The following ATAD5 variants were observed in gnomAD, a reference collection of about 807,000 sequenced individuals.
ATAD5 encodes the protein ATPase family AAA domain-containing protein 5.
ATAD5 carries 58 observed loss-of-function variants against 176.9 expected under a neutral mutation model. The ratio of observed to expected loss-of-function variants is 0.33; its 90% CI spans 0.27 to 0.41. ATAD5 has a LOEUF of 0.41. Among genes scored for constraint, ATAD5 ranks in the 10% least tolerant of loss-of-function variants. ATAD5 has a pLI of 1.00. For missense variants in ATAD5, 1,789 were observed against 2,094.1 expected (o/e 0.85, Z 2.84); for synonymous variants, 640 against 712.6 (o/e 0.90, Z 1.62).
rs976089090 is a variant in ATAD5, at chr17:30,895,705, C to G, written c.*792C>G. The G allele has an allele frequency of 6.6e-6, 1 of 152,162 alleles. No individual in the cohort carries two copies. The highest frequency in any genetic ancestry group is 2.1e-4 in the South Asian group (1 of 4,818). The allele number at this position is 152,162 out of a possible 1,614,324, so 9.4% of individuals were successfully genotyped here. ...ACAGGCGTGAGCCACCTCACCTGGC[C>G]TATATTGTACAGTTTTGAACAGTAT... On this transcript the variant is annotated 3_prime_UTR_variant, in exon 23 of 23. Coordinates refer to ENST00000321990, the MANE Select transcript of ATAD5 (RefSeq NM_024857.5).
chr17:30,860,158 G>A (rs942784165), intron 9 of ATAD5, among the ~76,000 whole-genome samples: 7 of 152,010 alleles, frequency 4.6e-5, no homozygotes, highest in Non-Finnish European at 1.0e-4. Flanking sequence ...CAAGTAGCTG[G>A]GACTACAGGT....
chr17:30,843,945 T>C lies in ATAD5; in HGVS notation c.2274T>C (p.Thr758=), dbSNP rs919660373. ...TTATAATAATAGATTCAAGTCCTAC[T>C]GCTTTAAAGCATCCAGAGAAAAATC... ...DSVIIIDSSP[T]ALKHPEKNQK... Residue 758 remains threonine, a synonymous_variant, in exon 5 of 23, where the codon ACT becomes ACC. Transcript: ENST00000321990. 4.1e-6 allele frequency: 6 copies of C among 1,480,572 alleles called. No individual in the cohort carries two copies. In the African/African-American group the frequency reaches 8.5e-5, roughly 21 times the overall value. 91.7% of individuals were successfully genotyped at this position (1,480,572 alleles called of 1,614,324 possible). A position where few individuals can be genotyped will look rare whatever the true frequency, so the allele number is the denominator to read the frequency against.
intron 14 of ATAD5, among the ~76,000 whole-genome samples, chr17:30,874,548 C>CAAAAAAA (rs1298663817): frequency 1.4e-5 from 1 of 70,210 alleles, no homozygotes; most frequent in South Asian, 5.8e-4. Flanking sequence ...TCAAAAGAAA[C>CAAAAAAA]AAAAAAAAAA....
rs114345202 is a variant in ATAD5, at chr17:30,894,566, A to G, written c.5300A>G (p.Asn1767Ser). Residue 1767 changes from asparagine (N) to serine (S), a missense_variant and splice_region_variant, in exon 22 of 23, where the codon AAT becomes AGT. By Grantham distance (46) the Asn-to-Ser change is conservative. Around this residue, in one of 6 missense-constraint regions of ATAD5, gnomAD observed 403 missense variants for 495.1 expected, o/e 0.81. Transcript: ENST00000321990. Reference sequence around the variant, plus strand: ...AAAACAATGCATTACTTTTACAGCAATGCTTGGAAGAGGATATCAGTCATT... The same window carrying G: ...AAAACAATGCATTACTTTTACAGCAGTGCTTGGAAGAGGATATCAGTCATT... ...YFSQSAANLD[N>S]AWKRISVIKS... 1.8e-3 allele frequency: 2,818 copies of G among 1,595,338 alleles called. 10 individuals carry two copies. The highest frequency in any genetic ancestry group is 0.015 in the African/African-American group (1,110 of 73,906).
In ATAD5 at chr17:30,871,370, G is replaced by A. The variant is rs139016177; in HGVS notation, c.3607+1724G>A. ...TGTGTAATTTTTGTTTTTTTGAAAC[G>A]GAGTCTCGCACTTGTCGCCCAGGCT... On this transcript the variant is annotated intron_variant, in intron 14 of 22. Transcript: ENST00000321990. Among the ~76,000 whole-genome samples the A allele has an allele frequency of 2.7e-3, 406 of 151,014 alleles. 2 individuals carry two copies. Among genetic ancestry groups the A allele is most frequent in the African/African-American group, 9.3e-3 (383 of 41,072 alleles).
intron 11 of ATAD5, among the ~76,000 whole-genome samples, chr17:30,867,694 C>T (rs555523736): frequency 6.6e-6 from 1 of 152,308 alleles, no homozygotes; most frequent in Admixed American, 6.5e-5. Context: ...TCACTGCAAC[C>T]TTCGCCTCTC....
intron 17 of ATAD5, 109 bp downstream of exon 17, chr17:30,878,205 T>C (rs1252336957): frequency 2.7e-6 from 2 of 751,606 alleles, no homozygotes; most frequent in South Asian, 3.7e-5. Context: ...TTTTTTAAAA[T>C]TGATACTACT....
At chr17:30,875,789 C>T (rs193257894) in intron 14 of ATAD5, among the ~76,000 whole-genome samples, 3 of 146,210 alleles carry the variant, frequency 2.1e-5, no homozygotes, top group African/African-American at 7.6e-5. Context: ...AAGTGAGACC[C>T]TGACTCAAAA....
intron 18 of ATAD5, among the ~76,000 whole-genome samples, chr17:30,885,798 T>A (rs1188821196): frequency 6.6e-6 from 1 of 151,830 alleles, no homozygotes; most frequent in African/African-American, 2.4e-5. Context: ...CATGCCTGGC[T>A]AATTTTTTGT....
In ATAD5 at chr17:30,840,632, A is replaced by G. The variant is rs755034836; in HGVS notation, c.2092A>G (p.Lys698Glu). 3.2e-6 allele frequency: 5 copies of G among 1,547,786 alleles called. No individual in the cohort carries two copies. The highest frequency in any genetic ancestry group is 2.6e-5 in the South Asian group (2 of 78,100). The part of the protein sequence containing the change: ...SQIRKASNTS[K>E]NISKAKQLIE... ...TTTTGTTTAGGCAAGCAATACTTCAAAAAACATATCAAAAGCAAAACAATT... is the reference window on the plus strand; with the variant it reads ...TTTTGTTTAGGCAAGCAATACTTCAGAAAACATATCAAAAGCAAAACAATT... Residue 698 changes from lysine to glutamate, a missense_variant, in exon 4 of 23, where the codon AAA becomes GAA. Lys to Glu is a moderately conservative substitution (Grantham distance 56). Around this residue, in one of 6 missense-constraint regions of ATAD5, gnomAD observed 487 missense variants for 573.6 expected, o/e 0.85. Transcript: ENST00000321990.
chr17:30,894,042 C>A lies in ATAD5; in HGVS notation c.5189C>A (p.Thr1730Asn), dbSNP rs1405441012. 2 of 1,612,176 alleles carry A rather than the reference C, an allele frequency of 1.2e-6. No homozygotes were observed. The highest frequency in any genetic ancestry group is 1.7e-6 in the Non-Finnish European group (2 of 1,178,716). The change falls in exon 21 of 23, where the codon ACC becomes AAC. Residue 1730 changes from threonine to asparagine, a missense_variant. Coordinates refer to ENST00000321990, the MANE Select transcript of ATAD5 (RefSeq NM_024857.5). ...CSSAISKALETLNSCKKLGRD... is the reference protein window; with the variant it reads ...CSSAISKALENLNSCKKLGRD... Reference sequence around the variant, plus strand: ...TCTGCTATTTCAAAAGCATTGGAAACCTTGAATTCTTGCAAGAAATTAGGA... The same window carrying A: ...TCTGCTATTTCAAAAGCATTGGAAAACTTGAATTCTTGCAAGAAATTAGGA...
intron 6 of ATAD5, among the ~76,000 whole-genome samples, chr17:30,850,823 TTATATATTTTTATA>T (rs1310763019): frequency 6.6e-5 from 4 of 60,472 alleles, no homozygotes; most frequent in East Asian, 4.4e-4. Flanking sequence ...TTATTTATAT[TTATATATTTTTATA>T]TATATATATA....
Position 30,876,391 on chromosome 17 carries a change from A to G in ATAD5, c.3625A>G (p.Lys1209Glu). Reference sequence around the variant, plus strand: ...TTGGGCAGAAAAAATAAGCTCCCCTAAGAAAGTTGTTACATCACCAAGAAA... The same window carrying G: ...TTGGGCAGAAAAAATAAGCTCCCCTGAGAAAGTTGTTACATCACCAAGAAA... ...GKSPKKISSP[K>E]KVVTSPRKVP... is the part of the protein sequence containing the mutation. The change falls in exon 15 of 23, where the codon AAG (lysine) becomes GAG (glutamate). Residue 1209 changes from lysine (K) to glutamate (E), a missense_variant. This residue lies in a region of ATAD5 where 194 missense variants were observed against 270.1 expected (regional missense o/e 0.72). Coordinates refer to ENST00000321990, the MANE Select transcript of ATAD5 (RefSeq NM_024857.5). 6.3e-7 allele frequency: 1 copy of G among 1,586,588 alleles called. No individual in the cohort carries two copies. Among genetic ancestry groups the G allele is most frequent in the East Asian group, 2.3e-5 (1 of 44,394 alleles).
At position 30,835,417 on chromosome 17, in the gene ATAD5, A is replaced by G; in HGVS notation, c.1336A>G (p.Ile446Val). 1 of 1,611,794 alleles carries G rather than the reference A, an allele frequency of 6.2e-7. No homozygotes were observed. The highest frequency in any genetic ancestry group is 8.5e-7 in the Non-Finnish European group (1 of 1,179,446). ...EVGRDDNSKK[I>V]MENSGIQMVS... The stretch of plus-strand genomic sequence containing the variant: ...AGGAAGAGATGATAATTCTAAAAAA[A>G]TCATGGAAAATTCTGGTATCCAAAT... Residue 446 changes from isoleucine to valine, a missense_variant, in exon 2 of 23, where the codon ATC (isoleucine) becomes GTC (valine). Physicochemically the swap from Ile to Val is conservative, Grantham distance 29 (BLOSUM62 3). This residue lies in a region of ATAD5 where 696 missense variants were observed against 712.5 expected (regional missense o/e 0.98). Transcript: ENST00000321990.
rs893584554 is a variant in ATAD5 at position 30,835,474 on chromosome 17, A to T, written c.1393A>T (p.Thr465Ser). 9.3e-6 allele frequency: 15 copies of T among 1,609,458 alleles called. No homozygotes were observed. In the East Asian group the frequency reaches 3.1e-4, roughly 34 times the overall value. Reference sequence around the variant, plus strand: ...AAAAAATGGCAATTTACAGTTACACACTGATAAAGGAAGTTTTCTGAAGGA... The same window carrying T: ...AAAAAATGGCAATTTACAGTTACACTCTGATAAAGGAAGTTTTCTGAAGGA... ...VSKNGNLQLH[T>S]DKGSFLKEKN... Residue 465 changes from threonine to serine, a missense_variant, in exon 2 of 23, where the codon ACT becomes TCT. Physicochemically the swap from Thr to Ser is moderately conservative, Grantham distance 58. Transcript: ENST00000321990.
Position 30,834,457 on chromosome 17 carries a change from A to G in ATAD5, c.376A>G (p.Ile126Val). The G allele has an allele frequency of 6.3e-7, 1 of 1,589,848 alleles. No individual in the cohort carries two copies. Among genetic ancestry groups the G allele is most frequent in the South Asian group, 1.2e-5 (1 of 86,098 alleles). Residue 126 changes from isoleucine to valine, a missense_variant, in exon 2 of 23, where the codon ATT becomes GTT. Ile to Val is a conservative substitution (Grantham distance 29). Transcript: ENST00000321990. ...RVNLSHQLNNIKTENEAPIEI... is the reference protein window; with the variant it reads ...RVNLSHQLNNVKTENEAPIEI... ...TAATTTATCTCATCAACTAAATAAT[A>G]TTAAAACTGAAAATGAAGCTCCAAT... is the stretch of plus-strand genomic sequence containing the variant.
chr17:30,840,053 C>T (rs897683306), intron 3 of ATAD5, among the ~76,000 whole-genome samples: 2 of 151,962 alleles, frequency 1.3e-5, no homozygotes, highest in East Asian at 1.9e-4. Context: ...CGAAAATTAG[C>T]TGGGTGTGGT....
At chr17:30,842,265 T>A (rs1356877967) in intron 4 of ATAD5, among the ~76,000 whole-genome samples, 1 of 148,236 alleles carries the variant, frequency 6.7e-6, no homozygotes, top group East Asian at 1.9e-4. Flanking sequence ...TGAGACTCCA[T>A]CTCAAAAATA....
chr17:30,876,139 A>AAAAAT (rs574523433), intron 14 of ATAD5, among the ~76,000 whole-genome samples: 17 of 152,276 alleles, frequency 1.1e-4, no homozygotes, highest in East Asian at 3.9e-4. Flanking sequence ...CCTGTCTCAA[A>AAAAAT]AAAATAAAAT....
Sources: allele counts gnomAD v4.1 joint callset (sites outside exome capture counted in the v4.1 genomes callset), GRCh38; gene constraint gnomAD v4.1.1; regional missense constraint gnomAD v4.1.1; transcripts MANE v1.5; gene names NCBI Gene and HGNC (gene_info 2026-07-23, HGNC 2026-07-21).